Variants in SORCS2 observed in about 807,000 individuals in gnomAD.
SORCS2 encodes sortilin related VPS10 domain containing receptor 2.
SORCS2 carries 100 observed loss-of-function variants against 141.6 expected under a neutral mutation model. That is an observed-to-expected ratio of 0.71 (90% CI 0.60 to 0.83). The LOEUF (loss-of-function observed/expected upper bound fraction) is 0.83. SORCS2 is among the 40% of genes least tolerant of loss of function. The probability of loss-of-function intolerance (pLI) is 0.00; values close to 1 mark genes in which losing one functional copy is unlikely to be tolerated. For synonymous variants in SORCS2, 789 were observed against 676.9 expected (o/e 1.17, Z -2.57); for missense variants, 1,646 against 1,560.2 (o/e 1.05, Z -0.93).
At chr4:7,395,177 C>T (rs150309246) in intron 1 of SORCS2, among the ~76,000 whole-genome samples, 4 of 140,464 alleles carry the variant, frequency 2.8e-5, no homozygotes, top group South Asian at 2.1e-4. Context: ...AGCCCCTCCT[C>T]ATGTCCTCCC....
intron 19 of SORCS2, among the ~76,000 whole-genome samples, chr4:7,724,328 G>GTGATGGTGGT (rs774630418): frequency 9.6e-6 from 1 of 103,814 alleles, no homozygotes; most frequent in Non-Finnish European, 2.1e-5. Flanking sequence ...GGTGGTGATA[G>GTGATGGTGGT]GGTGATGGTG....
chr4:7,215,557 G>C (rs1488206330), intron 1 of SORCS2, among the ~76,000 whole-genome samples: 9 of 152,366 alleles, frequency 5.9e-5, no homozygotes, highest in East Asian at 1.9e-4. Flanking sequence ...CTGCAGCCCC[G>C]GTGCGGGATC....
At chr4:7,245,136 C>T (rs1380637388) in intron 1 of SORCS2, among the ~76,000 whole-genome samples, 1 of 152,164 alleles carries the variant, frequency 6.6e-6, no homozygotes, top group Non-Finnish European at 1.5e-5. Flanking sequence ...GCCGCTTCTT[C>T]CCCCTTCCCC....
At chr4:7,307,418 C>T (rs1439295566) in intron 1 of SORCS2, among the ~76,000 whole-genome samples, 1 of 152,228 alleles carries the variant, frequency 6.6e-6, no homozygotes, top group African/African-American at 2.4e-5. Flanking sequence ...TGCTGTGGTC[C>T]ATCCAGGCCA....
At chr4:7,274,627 C>T (rs1475358648) in intron 1 of SORCS2, among the ~76,000 whole-genome samples, 1 of 152,150 alleles carries the variant, frequency 6.6e-6, no homozygotes, top group Non-Finnish European at 1.5e-5. Flanking sequence ...AGATCTGTCC[C>T]CATGATCCAA....
Position 7,725,204 on chromosome 4 carries a change from C to G in SORCS2, c.2662C>G (p.Gln888Glu). Residue 888 changes from glutamine (Q) to glutamate (E), a missense_variant, in exon 20 of 27, where the codon CAG (glutamine) becomes GAG (glutamate). Gln to Glu is a conservative substitution (Grantham distance 29). Coordinates refer to ENST00000507866, the MANE Select transcript of SORCS2 (RefSeq NM_020777.3). ...GGTGGTTCCTGTCATTGGCCTCAAC[C>G]AGGAGGTGAACCTCACAGCTGTGCT... is the stretch of plus-strand genomic sequence containing the variant. ...LEVVPVIGLN[Q>E]EVNLTAVLLP... The G allele has an allele frequency of 6.2e-7, 1 of 1,613,614 alleles. No homozygotes were observed. Among genetic ancestry groups the G allele is most frequent in the Non-Finnish European group, 8.5e-7 (1 of 1,179,650 alleles).
At chr4:7,527,902 G>A (rs961483811) in intron 2 of SORCS2, among the ~76,000 whole-genome samples, 3 of 152,174 alleles carry the variant, frequency 2.0e-5, no homozygotes, top group Admixed American at 1.3e-4. Flanking sequence ...AGCCTGGGGG[G>A]CTGAGGATGG....
intron 14 of SORCS2, among the ~76,000 whole-genome samples, chr4:7,708,956 A>G (rs1170160569): frequency 6.6e-6 from 1 of 152,104 alleles, no homozygotes; most frequent in African/African-American, 2.4e-5. Context: ...CAGGCCCTGG[A>G]TGCATAAAAT....
chr4:7,395,287 A>G (rs1724136133), intron 1 of SORCS2, among the ~76,000 whole-genome samples: 2 of 152,202 alleles, frequency 1.3e-5, no homozygotes, highest in South Asian at 4.1e-4. Context: ...GCTTCCACGG[A>G]GGAGCCCGAC....
intron 3 of SORCS2, among the ~76,000 whole-genome samples, chr4:7,635,170 T>C (rs1488547122): frequency 6.6e-6 from 1 of 152,170 alleles, no homozygotes; most frequent in Non-Finnish European, 1.5e-5. Context: ...CTGGGTGTGG[T>C]ACAGACAGGA....
intron 2 of SORCS2, among the ~76,000 whole-genome samples, chr4:7,456,495 T>G (rs776651809): frequency 1.3e-5 from 2 of 152,102 alleles, no homozygotes; most frequent in Non-Finnish European, 2.9e-5. Flanking sequence ...GGGGCCTCCT[T>G]TTGAGGACAG....
At chr4:7,338,409 C>CGAA (rs1720155006) in intron 1 of SORCS2, among the ~76,000 whole-genome samples, 6 of 80,652 alleles carry the variant, frequency 7.4e-5, no homozygotes, top group African/African-American at 3.6e-4. Context: ...GGTTGGATGT[C>CGAA]GGTTGGATGG....
At position 7,641,366 on chromosome 4, in the gene SORCS2, A is replaced by G. The variant is rs373691541; in HGVS notation, c.813+2874A>G. On this transcript the variant is annotated intron_variant, in intron 4 of 26. Transcript: ENST00000507866. ...GAGAGAGCACAAGTTGGGAAATGCAAAATACTTTTAAACCATCAGATCTCA... is the reference window on the plus strand; with the variant it reads ...GAGAGAGCACAAGTTGGGAAATGCAGAATACTTTTAAACCATCAGATCTCA... Among the ~76,000 whole-genome samples the G allele has an allele frequency of 2.6e-5, 4 of 152,174 alleles. No individual in the cohort carries two copies. In the East Asian group the frequency reaches 7.7e-4, roughly 29 times the overall value.
chr4:7,462,244 CT>C (rs1740562453), intron 2 of SORCS2, among the ~76,000 whole-genome samples: 1 of 152,182 alleles, frequency 6.6e-6, no homozygotes, highest in African/African-American at 2.4e-5. Context: ...GATGGGGAGA[CT>C]TTGGAGTCAG....
At chr4:7,558,812 C>T (rs1179571512) in intron 3 of SORCS2, among the ~76,000 whole-genome samples, 1 of 152,180 alleles carries the variant, frequency 6.6e-6, no homozygotes, top group Non-Finnish European at 1.5e-5. Context: ...CCTGGCCCCG[C>T]CTCACCCTAG....
intron 1 of SORCS2, among the ~76,000 whole-genome samples, chr4:7,393,533 C>G (rs1159287193): frequency 6.6e-6 from 1 of 152,220 alleles, no homozygotes; most frequent in Non-Finnish European, 1.5e-5. Context: ...GGATCAAATT[C>G]TAGCTCTGCC....
intron 1 of SORCS2, among the ~76,000 whole-genome samples, chr4:7,199,806 G>T (rs1237488212): frequency 6.6e-6 from 1 of 152,068 alleles, no homozygotes; most frequent in Non-Finnish European, 1.5e-5. Context: ...TCAAGTGCTG[G>T]TCTGTTCCTG....
intron 5 of SORCS2, among the ~76,000 whole-genome samples, chr4:7,658,402 G>C (rs115095910): frequency 2.3e-4 from 35 of 152,296 alleles, no homozygotes; most frequent in African/African-American, 7.2e-4. Flanking sequence ...GATGATGGAT[G>C]ATGAGGCTAA....
intron 2 of SORCS2, among the ~76,000 whole-genome samples, chr4:7,438,285 C>G (rs1279154910): frequency 1.3e-5 from 2 of 152,226 alleles, no homozygotes; most frequent in Admixed American, 1.3e-4. Flanking sequence ...GAATGTCCCT[C>G]TGTGCAGGTC....
Sources: gnomAD v4.1 joint callset for allele counts (sites outside exome capture counted in the v4.1 genomes callset) on GRCh38, gnomAD v4.1.1 for gene constraint, MANE v1.5 for transcripts, NCBI Gene and HGNC (gene_info 2026-07-23, HGNC 2026-07-21) for gene names.